TDRD9: variants seen among roughly 807,000 people sequenced by gnomAD.
The protein encoded by TDRD9 is tudor domain containing 9, also known as ATP-dependent RNA helicase TDRD9.
A neutral mutation model predicts 172.6 loss-of-function variants in TDRD9; 124 were observed. The ratio of observed to expected loss-of-function variants is 0.72; its 90% CI spans 0.62 to 0.83. The LOEUF (loss-of-function observed/expected upper bound fraction) is 0.83, where lower values mean the gene tolerates loss of function less well. Ranked by LOEUF, TDRD9 falls within the 40% of genes least tolerant of loss-of-function variation. The pLI is 0.00. For missense variants in TDRD9, 1,479 were observed against 1,714.1 expected (o/e 0.86, Z 2.42); for synonymous variants, 619 against 617.1 (o/e 1.00, Z -0.05).
intron 24 of TDRD9, among the ~76,000 whole-genome samples, chr14:104,023,559 A>G (rs566787629): frequency 7.9e-5 from 12 of 152,356 alleles, no homozygotes; most frequent in African/African-American, 2.6e-4. Flanking sequence ...TGCTGCATGC[A>G]GCTGTCATAA....
chr14:103,979,542 A>G (rs2033388360), intron 7 of TDRD9, among the ~76,000 whole-genome samples: 2 of 152,198 alleles, frequency 1.3e-5, no homozygotes, highest in South Asian at 4.1e-4. Context: ...TCTGGTAGGA[A>G]CCAATAACAG....
intron 13 of TDRD9, among the ~76,000 whole-genome samples, chr14:104,002,703 C>A (rs536733247): frequency 6.6e-6 from 1 of 150,510 alleles, no homozygotes; most frequent in East Asian, 2.0e-4. Context: ...AAGGAGGCAT[C>A]TTTAGGCTAA....
At chr14:103,948,972 T>C (rs1325466101) in intron 1 of TDRD9, among the ~76,000 whole-genome samples, 2 of 151,618 alleles carry the variant, frequency 1.3e-5, no homozygotes, top group African/African-American at 2.4e-5. Flanking sequence ...GTCAATATCA[T>C]AGGGCCAGAA....
intron 1 of TDRD9, among the ~76,000 whole-genome samples, chr14:103,952,190 G>GTGTGTA (rs1366094210): frequency 0.016 from 866 of 55,428 alleles, 16 homozygotes; most frequent in South Asian, 0.036. Context: ...GCGTGTGTGT[G>GTGTGTA]TATATATATA....
chr14:104,008,514 G>A (rs778762882), intron 20 of TDRD9, 48 bp downstream of exon 20: 109 of 1,192,938 alleles, frequency 9.1e-5, no homozygotes, highest in Non-Finnish European at 1.2e-4. Flanking sequence ...GTTGACTTAT[G>A]AAATATTTAT....
chr14:104,034,555 T>G (rs1017167413), intron 31 of TDRD9, among the ~76,000 whole-genome samples: 5 of 152,202 alleles, frequency 3.3e-5, no homozygotes, highest in Non-Finnish European at 7.3e-5. Context: ...CGGTGGAGCA[T>G]TCTCACTTTT....
chr14:103,934,709 C>G (rs1279193091), intron 1 of TDRD9, among the ~76,000 whole-genome samples: 1 of 152,164 alleles, frequency 6.6e-6, no homozygotes, highest in African/African-American at 2.4e-5. Flanking sequence ...GTGAACCCGG[C>G]AGGCGGAGCT....
rs531829131 is a variant in TDRD9 at position 104,033,451 on chromosome 14, C to T, written c.3510-509C>T. Among the ~76,000 whole-genome samples, 61 of 152,302 alleles carry T rather than the reference C, an allele frequency of 4.0e-4. 1 individual carries two copies. The highest frequency in any genetic ancestry group is 1.4e-3 in the African/African-American group (57 of 41,568). ...GGAGATACAGAAACAGCTTCACCAG[C>T]ACTTTCACCTGCTGGAAGCAGCAGG... On this transcript the variant is annotated intron_variant, in intron 30 of 35. Transcript: ENST00000409874.
intron 24 of TDRD9, among the ~76,000 whole-genome samples, chr14:104,024,020 T>G (rs113494930): frequency 6.6e-6 from 1 of 152,254 alleles, no homozygotes; most frequent in African/African-American, 2.4e-5. Context: ...TAGGAAATTT[T>G]TATTTTCTGT....
chr14:104,042,009 C>G (rs1324963736), intron 33 of TDRD9, 60 bp from the exon 34 acceptor site: 2 of 1,097,072 alleles, frequency 1.8e-6, no homozygotes, highest in East Asian at 4.8e-5. Context: ...AATTCTCTAA[C>G]GGGATGAAAT....
intron 32 of TDRD9, among the ~76,000 whole-genome samples, chr14:104,037,901 G>A (rs546529780): frequency 6.6e-6 from 1 of 152,332 alleles, no homozygotes; most frequent in East Asian, 1.9e-4. Flanking sequence ...AGTAGTTGAT[G>A]GTGTCAGCCT....
chr14:103,947,912 A>G (rs1293314571), intron 1 of TDRD9, among the ~76,000 whole-genome samples: 1 of 152,244 alleles, frequency 6.6e-6, no homozygotes, highest in Non-Finnish European at 1.5e-5. Context: ...AACAGTAAAA[A>G]GGCAGCTCAC....
At chr14:103,943,413 A>C (rs556384396) in intron 1 of TDRD9, among the ~76,000 whole-genome samples, 15 of 150,980 alleles carry the variant, frequency 9.9e-5, no homozygotes, top group Non-Finnish European at 1.8e-4. Context: ...ATATGTATAT[A>C]TACACATAAG....
At chr14:103,987,083 C>G (rs1043030839) in intron 8 of TDRD9, among the ~76,000 whole-genome samples, 1 of 151,836 alleles carries the variant, frequency 6.6e-6, no homozygotes, top group Non-Finnish European at 1.5e-5. Context: ...CACTGCACTC[C>G]AGCCTGGTGA....
intron 35 of TDRD9, among the ~76,000 whole-genome samples, chr14:104,050,391 T>C (rs2035904792): frequency 6.6e-6 from 1 of 152,120 alleles, no homozygotes; most frequent in Non-Finnish European, 1.5e-5. Context: ...AGTTGAGTCA[T>C]GAAGAAGGAC....
At chr14:104,028,463 A>G (rs1384705098) in intron 28 of TDRD9, among the ~76,000 whole-genome samples, 1 of 151,988 alleles carries the variant, frequency 6.6e-6, no homozygotes, top group Admixed American at 6.6e-5. Flanking sequence ...CATTTTTCAT[A>G]TATTTGTTGG....
chr14:103,959,810 A>G (rs987352107), intron 2 of TDRD9, among the ~76,000 whole-genome samples: 1 of 152,176 alleles, frequency 6.6e-6, no homozygotes, highest in African/African-American at 2.4e-5. Context: ...ATTTATTTGC[A>G]TTGATAAATG....
intron 1 of TDRD9, chr14:103,942,372 T>C (rs1196543687): frequency 6.6e-6 from 1 of 152,238 alleles, no homozygotes; most frequent in Non-Finnish European, 1.5e-5. Flanking sequence ...TCACAAGTTA[T>C]ATAATGGTCT....
chr14:104,026,735 C>T lies in TDRD9; in HGVS notation c.3078C>T (p.Gly1026=), dbSNP rs1304757676. 6.2e-6 allele frequency: 10 copies of T among 1,613,880 alleles called. No individual in the cohort carries two copies. The highest frequency in any genetic ancestry group is 1.3e-5 in the African/African-American group (1 of 74,918). Residue 1026 remains glycine (G), a synonymous_variant, in exon 28 of 36, where the codon GGC becomes GGT. Coordinates refer to ENST00000409874, the MANE Select transcript of TDRD9 (RefSeq NM_153046.3). ...MRPSAKSLVC[G]KHWSDGASQW... Reference sequence around the variant, plus strand: ...CATCAGCAAAGTCTCTTGTTTGTGGCAAGCACTGGAGTGACGGGGCCAGCC... The same window carrying T: ...CATCAGCAAAGTCTCTTGTTTGTGGTAAGCACTGGAGTGACGGGGCCAGCC...
Sources: gnomAD v4.1 joint callset for allele counts (sites outside exome capture counted in the v4.1 genomes callset) on GRCh38, gnomAD v4.1.1 for gene constraint, MANE v1.5 for transcripts, NCBI Gene and HGNC (gene_info 2026-07-23, HGNC 2026-07-21) for gene names.